The following TENM2 variants were observed in gnomAD, a reference collection of about 807,000 sequenced individuals.
TENM2 encodes teneurin-2.
In TENM2, 52 loss-of-function variants were observed where a neutral mutation model predicts 245.2. The ratio of observed to expected loss-of-function variants is 0.21; its 90% CI spans 0.17 to 0.27. The LOEUF is 0.27. Among genes scored for constraint, TENM2 ranks in the 10% least tolerant of loss-of-function variants. The pLI, the probability that TENM2 is intolerant of heterozygous loss-of-function variation, is 1.00. For synonymous variants in TENM2, 1,363 were observed against 1,438.9 expected (o/e 0.95, Z 1.19); for missense variants, 3,046 against 3,666.8 (o/e 0.83, Z 4.37).
intron 7 of TENM2, 44 bp downstream of exon 9, chr5:168,062,309 A>G: frequency 6.6e-7 from 1 of 1,509,582 alleles, no homozygotes; most frequent in Non-Finnish European, 9.2e-7. Context: ...AAAAATATAT[A>G]CGTATATATG....
chr5:167,169,783 A>T, the TENM2 span, among the ~76,000 whole-genome samples: 1 of 152,202 alleles, frequency 6.6e-6, no homozygotes. Context: ...TCTTGGTGCC[A>T]TGGAATAAAA....
At chr5:167,920,218 G>A (rs1028086100) in intron 3 of TENM2, among the ~76,000 whole-genome samples, 6 of 151,792 alleles carry the variant, frequency 4.0e-5, no homozygotes, top group Admixed American at 2.6e-4. Context: ...TGGGCCAGGC[G>A]CGGTGGCTCA....
At chr5:167,500,482 T>A (rs1378569637) in intron 2 of TENM2, among the ~76,000 whole-genome samples, 1 of 152,072 alleles carries the variant, frequency 6.6e-6, no homozygotes, top group Non-Finnish European at 1.5e-5. Flanking sequence ...TATCTCAAAA[T>A]TTTTAAAAAA....
intron 15 of TENM2, among the ~76,000 whole-genome samples, chr5:168,198,028 C>A (rs907101303): frequency 6.6e-6 from 1 of 152,076 alleles, no homozygotes; most frequent in East Asian, 1.9e-4. Flanking sequence ...GTGCTTTACA[C>A]GAGTGGCCAG....
chr5:168,247,590 T>A lies in TENM2; in HGVS notation c.6651T>A (p.Asn2217Lys). 1 of 1,613,102 alleles carries A rather than the reference T, an allele frequency of 6.2e-7. No homozygotes were observed. The highest frequency in any genetic ancestry group is 8.5e-7 in the Non-Finnish European group (1 of 1,179,104). The change falls in exon 27 of 29, where the codon AAT (asparagine) becomes AAA (lysine). Residue 2217 changes from asparagine to lysine, a missense_variant. Physicochemically the swap from Asn to Lys is moderately conservative, Grantham distance 94 (BLOSUM62 0). Coordinates refer to ENST00000518659, the Ensembl canonical transcript of TENM2. This position sits in a 1 kb window ranked among gnomAD's most constrained non-coding sequence, Gnocchi z 7.8. Reference sequence around the variant, plus strand: ...GGCAGCTCCAGAGCGTGGCCGTCAATGACCGCCCGACCTGGCGCTACAGCT... The same window carrying A: ...GGCAGCTCCAGAGCGTGGCCGTCAAAGACCGCCCGACCTGGCGCTACAGCT...
At chr5:167,782,011 A>G (rs1030996481) in intron 2 of TENM2, among the ~76,000 whole-genome samples, 5 of 150,172 alleles carry the variant, frequency 3.3e-5, no homozygotes, top group Admixed American at 2.0e-4. Context: ...TGTGTCCAAA[A>G]TAAATAAAAA....
At chr5:167,033,281 C>T in the TENM2 span, among the ~76,000 whole-genome samples, 2 of 152,188 alleles carry the variant, frequency 1.3e-5, no homozygotes, top group African/African-American at 4.8e-5. Flanking sequence ...TAAAACAATG[C>T]GATTCACATC....
intron 2 of TENM2, among the ~76,000 whole-genome samples, chr5:167,458,494 CAAAAAAA>C (rs70976430): frequency 4.9e-5 from 4 of 82,024 alleles, no homozygotes; most frequent in African/African-American, 1.3e-4. Flanking sequence ...CTCAAAAAAA[CAAAAAAA>C]AAAAAAAAAA....
Position 168,247,821 on chromosome 5 carries a change from C to G in TENM2, c.6882C>G (p.Ser2294Arg). ...TAACAAGAGCCTACAACAAGGCCAG[C>G]GGGTGGAGTGTCCAGTACCGCTATG... Residue 2294 changes from serine (S) to arginine (R), a missense_variant, in exon 27 of 29, where the codon AGC becomes AGG. Around this residue, in one of 2 missense-constraint regions of TENM2, gnomAD observed 2,704 missense variants for 3,331.9 expected, o/e 0.81. Transcript: ENST00000518659. The surrounding 1 kb of genome is among the most constrained non-coding windows in gnomAD (Gnocchi z 7.8). 6.2e-7 allele frequency: 1 copy of G among 1,613,980 alleles called. No individual in the cohort carries two copies. The highest frequency in any genetic ancestry group is 8.5e-7 in the Non-Finnish European group (1 of 1,179,890).
the TENM2 span, among the ~76,000 whole-genome samples, chr5:167,091,209 C>A: frequency 6.6e-6 from 1 of 151,902 alleles, no homozygotes; most frequent in Non-Finnish European, 1.5e-5. Context: ...ATTTTCATTT[C>A]CTGGGGGCTG....
the TENM2 span, among the ~76,000 whole-genome samples, chr5:167,188,494 A>AT: frequency 2.0e-5 from 3 of 152,292 alleles, no homozygotes; most frequent in African/African-American, 7.2e-5. Context: ...GACTGCTAAA[A>AT]TTATAGGAAA....
chr5:167,205,614 A>C, the TENM2 span, among the ~76,000 whole-genome samples: 1 of 152,138 alleles, frequency 6.6e-6, no homozygotes, highest in East Asian at 1.9e-4. Context: ...ATGCCATATT[A>C]GTTTTCTACT....
At chr5:167,438,282 A>T (rs1182510528) in intron 2 of TENM2, among the ~76,000 whole-genome samples, 1 of 152,186 alleles carries the variant, frequency 6.6e-6, no homozygotes, top group East Asian at 1.9e-4. Context: ...TCTTTATGGA[A>T]TGCCTATCGC....
intron 2 of TENM2, among the ~76,000 whole-genome samples, chr5:167,445,334 T>TAGAGAGAGAGAGAGAGAG (rs1380778783): frequency 8.8e-4 from 76 of 86,294 alleles, no homozygotes; most frequent in Non-Finnish European, 1.5e-3. Context: ...TATATATATA[T>TAGAGAGAGAGAGAGAGAG]ATAGAGAGAG....
intron 2 of TENM2, among the ~76,000 whole-genome samples, chr5:167,666,605 C>T (rs534608122): frequency 1.7e-4 from 26 of 152,188 alleles, no homozygotes; most frequent in African/African-American, 6.3e-4. Context: ...AAGGACAGTA[C>T]TTAGAGGGCC....
intron 2 of TENM2, among the ~76,000 whole-genome samples, chr5:167,467,516 G>T: frequency 6.9e-6 from 1 of 145,718 alleles, no homozygotes; most frequent in African/African-American, 2.5e-5. Flanking sequence ...TCTTGTTTGA[G>T]AAAAAAAAAA....
At chr5:167,304,845 A>G (rs1755573757) in intron 1 of TENM2, among the ~76,000 whole-genome samples, 1 of 152,162 alleles carries the variant, frequency 6.6e-6, no homozygotes, top group Non-Finnish European at 1.5e-5. Context: ...CAGAGCTGTC[A>G]GTTCAGATTT....
intron 2 of TENM2, among the ~76,000 whole-genome samples, chr5:167,410,046 G>A (rs1762830705): frequency 6.6e-6 from 1 of 151,886 alleles, no homozygotes; most frequent in East Asian, 1.9e-4. Flanking sequence ...CATTGCTTTA[G>A]CATGAATTTC....
the TENM2 span, among the ~76,000 whole-genome samples, chr5:167,067,164 G>C: frequency 3.3e-5 from 5 of 152,146 alleles, no homozygotes; most frequent in African/African-American, 1.2e-4. Context: ...AATAAGCAGG[G>C]AGAGGGTGCA....
Sources: allele counts gnomAD v4.1 joint callset (sites outside exome capture counted in the v4.1 genomes callset), GRCh38; gene constraint gnomAD v4.1.1; regional missense constraint gnomAD v4.1.1; non-coding constraint Gnocchi (gnomAD v3.1); transcripts MANE v1.5; gene names NCBI Gene and HGNC (gene_info 2026-07-23, HGNC 2026-07-21).